Variants in FBXW5 observed in about 807,000 individuals in gnomAD.
The protein encoded by FBXW5 is F-box and WD repeat domain containing 5.
Under a neutral mutation model 50.9 loss-of-function variants are expected in FBXW5, and 74 were observed. The ratio of observed to expected loss-of-function variants is 1.45; its 90% CI spans 1.20 to 1.76. The LOEUF (loss-of-function observed/expected upper bound fraction) is 1.76, where lower values mean the gene tolerates loss of function less well. FBXW5 is among the 40% of genes most tolerant of loss of function. The pLI, the probability that FBXW5 is intolerant of heterozygous loss-of-function variation, is 0.00. For missense variants in FBXW5, 1,073 were observed against 818.8 expected (o/e 1.31, Z -3.79); for synonymous variants, 523 against 362.2 (o/e 1.44, Z -5.04).
At position 136,941,605 on chromosome 9, in the gene FBXW5, G is replaced by A. The variant is rs571821663; in HGVS notation, c.1176C>T (p.Phe392=). 202 of 1,599,802 alleles carry A rather than the reference G, an allele frequency of 1.3e-4. 1 individual carries two copies. In the East Asian group the frequency reaches 1.7e-3, roughly 14 times the overall value. The change falls in exon 7 of 9, where the codon TTC becomes TTT. Residue 392 remains phenylalanine (F), a synonymous_variant. Coordinates refer to ENST00000325285, the MANE Select transcript of FBXW5 (RefSeq NM_018998.4). ...LGEGRGSDAF[F]DALDHVIDIH... is the part of the protein sequence containing the mutation. ...TGTCTATGACGTGGTCCAGCGCGTC[G>A]AAGAAGGCATCGGAGCCCCGGCCCT... is the stretch of plus-strand genomic sequence containing the variant.
chr9:136,940,986 T>G lies in FBXW5; in HGVS notation c.1643A>C (p.Gln548Pro), dbSNP rs1850730377. ...WRSPRTMRVLQAPRPRPRTFF... is the reference protein window; with the variant it reads ...WRSPRTMRVLPAPRPRPRTFF... ...GGTGCGAGGCCGTGGGCGAGGTGCC[T>G]GGAGGACGCGCATGGTGCGTGGGGA... Residue 548 changes from glutamine to proline, a missense_variant, in exon 9 of 9, where the codon CAG becomes CCG. Gln to Pro is a moderately conservative substitution (Grantham distance 76). Coordinates refer to ENST00000325285, the MANE Select transcript of FBXW5 (RefSeq NM_018998.4). The G allele has an allele frequency of 2.6e-6, 4 of 1,558,824 alleles. No individual in the cohort carries two copies. In the African/African-American group the frequency reaches 4.1e-5, roughly 16 times the overall value.
In FBXW5 at chr9:136,942,247, T is replaced by C. The variant is rs1455940107; in HGVS notation, c.895A>G (p.Lys299Glu). The part of the protein sequence containing the change: ...VVAGPAPAHA[K>E]EGLRHFLDRV... The stretch of plus-strand genomic sequence containing the variant: ...TCCAGAAAGTGCCGCAAGCCCTCCT[T>C]GGCGTGGGCGGGGGCCGGGCCAGCC... Residue 299 changes from lysine to glutamate, a missense_variant, in exon 6 of 9, where the codon AAG (lysine) becomes GAG (glutamate). Physicochemically the swap from Lys to Glu is moderately conservative, Grantham distance 56. Transcript: ENST00000325285. 1 of 1,584,378 alleles carries C rather than the reference T, an allele frequency of 6.3e-7. No individual in the cohort carries two copies. The highest frequency in any genetic ancestry group is 1.3e-5 in the African/African-American group (1 of 74,394).
intron 2 of FBXW5, 25 bp downstream of exon 2, chr9:136,943,864 TGG>T: frequency 6.5e-7 from 1 of 1,546,894 alleles, no homozygotes; most frequent in Non-Finnish European, 8.7e-7. Flanking sequence ...CTGCAGAACG[TGG>T]GTAGGGGCCC....
rs1850819810 is a variant in FBXW5, at chr9:136,942,478, GGCACGTGCCAGGTGGGCGCCGGGC to G, written c.676-36_676-13del. The G allele has an allele frequency of 1.3e-6, 2 of 1,599,594 alleles. No individual in the cohort carries two copies. The highest frequency in any genetic ancestry group is 1.7e-6 in the Non-Finnish European group (2 of 1,170,042). ...TCTGACTCCACATCCTGGGGGCGGG[GGCACGTGCCAGGTGGGCGCCGGGC>G]GCCAGGCCCCAGGAGGGCAGCCCCG... On this transcript the variant is annotated splice_polypyrimidine_tract_variant and intron_variant, in intron 5 of 8. Transcript: ENST00000325285.
At position 136,942,214 on chromosome 9, in the gene FBXW5, G is replaced by A. The variant is rs776514696; in HGVS notation, c.928C>T (p.Leu310=). 5 of 1,593,338 alleles carry A rather than the reference G, an allele frequency of 3.1e-6. No individual in the cohort carries two copies. The highest frequency in any genetic ancestry group is 4.3e-6 in the Non-Finnish European group (5 of 1,171,242). Residue 310 remains leucine, a synonymous_variant, in exon 6 of 9, where the codon CTG becomes TTG. Coordinates refer to ENST00000325285, the MANE Select transcript of FBXW5 (RefSeq NM_018998.4). The part of the protein sequence containing the change: ...EGLRHFLDRV[L]EGRAQPQLSE... ...AGCTGTGGCTGCGCCCGCCCCTCCA[G>A]CACGCGGTCCAGAAAGTGCCGCAAG...
rs370826295 is a variant in FBXW5, at chr9:136,941,224, C to T, written c.1457+27G>A. 173 of 1,600,268 alleles carry T rather than the reference C, an allele frequency of 1.1e-4. No homozygotes were observed. The African/African-American group carries it at 1.5e-3, about 14-fold the overall frequency. ...CCGCCCGCCCGCTGCTGCCCACACC[C>T]GCCCTGCACCACGCCGCGCCCTGCA... On this transcript the variant is annotated intron_variant, in intron 8 of 8. Transcript: ENST00000325285.
In FBXW5 at chr9:136,942,371, G is replaced by A; in HGVS notation, c.771C>T (p.Cys257=). The change falls in exon 6 of 9, where the codon TGC becomes TGT. Residue 257 remains cysteine, a synonymous_variant. Coordinates refer to ENST00000325285, the MANE Select transcript of FBXW5 (RefSeq NM_018998.4). Reference sequence around the variant, plus strand: ...GCAGGTCAGGGCTGTCGAAGCGGCTGCAGTCGGCCACCATCACCGTGCGGA... The same window carrying A: ...GCAGGTCAGGGCTGTCGAAGCGGCTACAGTCGGCCACCATCACCGTGCGGA... The part of the protein sequence containing the change: ...STVRTVMVAD[C]SRFDSPDLLL... 2 of 1,610,920 alleles carry A rather than the reference G, an allele frequency of 1.2e-6. No individual in the cohort carries two copies. Among genetic ancestry groups the A allele is most frequent in the Non-Finnish European group, 1.7e-6 (2 of 1,179,100 alleles).
rs778049753 is a variant in FBXW5, at chr9:136,944,063, G to T, written c.21C>A (p.Pro7=). Reference sequence around the variant, plus strand: ...GGTAGACCAGGCTGTCGGGGAGCAGGGGCGTGCCGCCCTCGTCCATCGTGA... The same window carrying T: ...GGTAGACCAGGCTGTCGGGGAGCAGTGGCGTGCCGCCCTCGTCCATCGTGA... MDEGGT[P]LLPDSLVYQI... The change falls in exon 2 of 9, where the codon CCC becomes CCA. Residue 7 remains proline, a synonymous_variant. Coordinates refer to ENST00000325285, the MANE Select transcript of FBXW5 (RefSeq NM_018998.4). The T allele has an allele frequency of 1.6e-5, 26 of 1,600,236 alleles. No homozygotes were observed. Among genetic ancestry groups the T allele is most frequent in the Non-Finnish European group, 1.9e-5 (22 of 1,174,230 alleles).
At position 136,940,998 on chromosome 9, in the gene FBXW5, A is replaced by G. The variant is rs770711169; in HGVS notation, c.1631T>C (p.Met544Thr). The part of the protein sequence containing the change: ...TIKAWRSPRT[M>T]RVLQAPRPRP... ...TGGGCGAGGTGCCTGGAGGACGCGC[A>G]TGGTGCGTGGGGAGCGCCAGGCTTT... Residue 544 changes from methionine (M) to threonine (T), a missense_variant, in exon 9 of 9, where the codon ATG (methionine) becomes ACG (threonine). Transcript: ENST00000325285. The G allele has an allele frequency of 3.2e-6, 5 of 1,556,348 alleles. No homozygotes were observed. Among genetic ancestry groups the G allele is most frequent in the Non-Finnish European group, 2.6e-6 (3 of 1,150,014 alleles).
Position 136,943,886 on chromosome 9 carries a change from C to G in FBXW5, c.193+5G>C. ...ACGTGGGTAGGGGCCCCACACGCCA[C>G]TGACCTGGGTGTCGGGGCACGTCGC... is the stretch of plus-strand genomic sequence containing the variant. On this transcript the variant is annotated splice_donor_5th_base_variant and intron_variant, in intron 2 of 8. Transcript: ENST00000325285. The G allele has an allele frequency of 6.5e-7, 1 of 1,549,654 alleles. No homozygotes were observed. The highest frequency in any genetic ancestry group is 1.2e-5 in the South Asian group (1 of 84,042).
chr9:136,944,396 C>T (rs1054248901), intron 1 of FBXW5, 198 bp downstream of exon 1: 7 of 765,494 alleles, frequency 9.1e-6, no homozygotes, highest in African/African-American at 1.9e-5. Context: ...AGGCGCCGTC[C>T]GGGGACGGGC....
At position 136,941,184 on chromosome 9, in the gene FBXW5, G is replaced by C. The variant is rs201352991; in HGVS notation, c.1458-13C>G. The C allele has an allele frequency of 1.3e-6, 2 of 1,598,762 alleles. No homozygotes were observed. Among genetic ancestry groups the C allele is most frequent in the South Asian group, 1.1e-5 (1 of 90,142 alleles). ...GTCCTCCGCCCCGCTGCAGAACAGC[G>C]CCTGGGTGAGCCGGCCGCCCGCCCG... On this transcript the variant is annotated splice_polypyrimidine_tract_variant and intron_variant, in intron 8 of 8. Coordinates refer to ENST00000325285, the MANE Select transcript of FBXW5 (RefSeq NM_018998.4).
rs751206571 is a variant in FBXW5 at position 136,941,569 on chromosome 9, G to T, written c.1212C>A (p.His404Gln). 6.2e-7 allele frequency: 1 copy of T among 1,611,454 alleles called. No individual in the cohort carries two copies. The highest frequency in any genetic ancestry group is 8.5e-7 in the Non-Finnish European group (1 of 1,179,604). ...ALDHVIDIHG[H>Q]IIGMGLSPDN... is the part of the protein sequence containing the mutation. ...CGGGCGACAGGCCCATGCCGATGAT[G>T]TGTCCGTGTATGTCTATGACGTGGT... The change falls in exon 7 of 9, where the codon CAC (histidine) becomes CAA (glutamine). Residue 404 changes from histidine to glutamine, a missense_variant. Coordinates refer to ENST00000325285, the MANE Select transcript of FBXW5 (RefSeq NM_018998.4).
intron 1 of FBXW5, 162 bp downstream of exon 1, chr9:136,944,432 G>T (rs1588464719): frequency 1.1e-6 from 1 of 898,356 alleles, no homozygotes; most frequent in Non-Finnish European, 1.3e-6. Flanking sequence ...GCTCGGGGCG[G>T]CCAGGCAGTG....
rs1306371715 is a variant in FBXW5 at position 136,941,252 on chromosome 9, T to A, written c.1456A>T (p.Ser486Cys). ...FLDVSRDFVA[S>C]GAEDRHGYIW... Reference sequence around the variant, plus strand: ...CCTGCACCACGCCGCGCCCTGCACCTGGCCACGAAGTCCCTGCTGACGTCC... The same window carrying A: ...CCTGCACCACGCCGCGCCCTGCACCAGGCCACGAAGTCCCTGCTGACGTCC... The change falls in exon 8 of 9, where the codon AGC becomes TGC. Residue 486 changes from serine to cysteine, a missense_variant and splice_region_variant. Transcript: ENST00000325285. 1 of 1,604,006 alleles carries A rather than the reference T, an allele frequency of 6.2e-7. No individual in the cohort carries two copies. The highest frequency in any genetic ancestry group is 1.3e-5 in the African/African-American group (1 of 74,890).
At position 136,941,286 on chromosome 9, in the gene FBXW5, G is replaced by A. The variant is rs1850749957; in HGVS notation, c.1422C>T (p.Phe474=). The A allele has an allele frequency of 1.9e-6, 3 of 1,607,992 alleles. No homozygotes were observed. Among genetic ancestry groups the A allele is most frequent in the African/African-American group, 1.3e-5 (1 of 75,042 alleles). Residue 474 remains phenylalanine (F), a synonymous_variant, in exon 8 of 9, where the codon TTC becomes TTT. Coordinates refer to ENST00000325285, the MANE Select transcript of FBXW5 (RefSeq NM_018998.4). ...AGTCCCTGCTGACGTCCAGGAAGAT[G>A]AAGAAGCACTCGTCGTTGGGCGTGT... ...RAYTPNDECF[F]IFLDVSRDFV...
Position 136,942,284 on chromosome 9 carries a change from G to A in FBXW5, c.858C>T (p.Asn286=), listed in dbSNP as rs763231241. ...PCRIFDLGSD[N]EEVVAGPAPA... Reference sequence around the variant, plus strand: ...GGGCCGGGCCAGCCACCACCTCCTCGTTGTCGCTGCCCAGGTCAAAGATGC... The same window carrying A: ...GGGCCGGGCCAGCCACCACCTCCTCATTGTCGCTGCCCAGGTCAAAGATGC... Residue 286 remains asparagine, a synonymous_variant, in exon 6 of 9, where the codon AAC becomes AAT. Coordinates refer to ENST00000325285, the MANE Select transcript of FBXW5 (RefSeq NM_018998.4). 1.0e-5 allele frequency: 16 copies of A among 1,587,086 alleles called. No homozygotes were observed. In the African/African-American group the frequency reaches 1.1e-4, roughly 11 times the overall value.
chr9:136,943,739 C>T (rs1381993585), intron 2 of FBXW5, 152 bp downstream of exon 2: 42 of 1,037,292 alleles, frequency 4.0e-5, no homozygotes, highest in Non-Finnish European at 5.5e-5. Context: ...GGGGCGCCTG[C>T]GCTGTGTCCT....
Sources: gnomAD v4.1 joint callset for allele counts on GRCh38, gnomAD v4.1.1 for gene constraint, MANE v1.5 for transcripts, NCBI Gene and HGNC (gene_info 2026-07-23, HGNC 2026-07-21) for gene names.